ATR: variants seen among roughly 807,000 people sequenced by gnomAD.
ATR encodes the protein ATR checkpoint kinase, also known as serine/threonine-protein kinase ATR.
ATR carries 142 observed loss-of-function variants against 305.3 expected under a neutral mutation model. That is an observed-to-expected ratio of 0.47 (90% CI 0.41 to 0.53). The LOEUF (loss-of-function observed/expected upper bound fraction) is 0.53, where lower values mean the gene tolerates loss of function less well. ATR is among the 20% of genes least tolerant of loss of function. ATR has a pLI of 0.00. For missense variants in ATR, 2,135 were observed against 3,133.1 expected (o/e 0.68, Z 7.60); for synonymous variants, 1,050 against 1,068.1 (o/e 0.98, Z 0.33).
intron 36 of ATR, among the ~76,000 whole-genome samples, chr3:142,476,405 G>A (rs945868265): frequency 1.3e-5 from 2 of 152,062 alleles, no homozygotes; most frequent in African/African-American, 4.8e-5. Flanking sequence ...GATAGTTGTA[G>A]ATGTGTGGCA....
chr3:142,499,849 A>G, intron 30 of ATR, 131 bp from the exon 31 acceptor site: 1 of 761,650 alleles, frequency 1.3e-6, no homozygotes, highest in East Asian at 2.9e-5. Flanking sequence ...GTTCTTAGAT[A>G]TAAAATAATT....
rs559272648 is a variant in ATR, at chr3:142,498,213, C to T, written c.5558+384G>A. Reference sequence around the variant, plus strand: ...TAATATTCTTTCTAGTAATGTGATGCCTATATTTTTGGGGGGAAATATCAA... The same window carrying T: ...TAATATTCTTTCTAGTAATGTGATGTCTATATTTTTGGGGGGAAATATCAA... On this transcript the variant is annotated intron_variant, in intron 32 of 46. Transcript: ENST00000350721. Among the ~76,000 whole-genome samples the T allele has an allele frequency of 5.9e-5, 9 of 152,168 alleles. No individual in the cohort carries two copies. The South Asian group carries it at 1.7e-3, about 28-fold the overall frequency.
At chr3:142,574,016 A>G (rs1270434978) in intron 1 of ATR, among the ~76,000 whole-genome samples, 1 of 152,234 alleles carries the variant, frequency 6.6e-6, no homozygotes, top group Non-Finnish European at 1.5e-5. Context: ...AAAGAGGAAC[A>G]TGGGAAGAGG....
chr3:142,481,089 C>G (rs978161076), intron 36 of ATR, among the ~76,000 whole-genome samples: 1 of 152,150 alleles, frequency 6.6e-6, no homozygotes, highest in Non-Finnish European at 1.5e-5. Context: ...GCTGCACCCA[C>G]TGTCCTGCAC....
At chr3:142,464,827 T>G (rs1472453391) in intron 41 of ATR, among the ~76,000 whole-genome samples, 1 of 152,202 alleles carries the variant, frequency 6.6e-6, no homozygotes, top group African/African-American at 2.4e-5. Flanking sequence ...ATGTACTTAA[T>G]GCCACTGAAC....
intron 24 of ATR, among the ~76,000 whole-genome samples, chr3:142,516,007 G>A (rs1286029492): frequency 3.9e-5 from 6 of 152,040 alleles, no homozygotes; most frequent in African/African-American, 1.4e-4. Context: ...GAATTATCAG[G>A]GCTCCCATGC....
At chr3:142,500,648 C>G (rs1429580417) in intron 30 of ATR, among the ~76,000 whole-genome samples, 1 of 151,982 alleles carries the variant, frequency 6.6e-6, no homozygotes, top group East Asian at 1.9e-4. Context: ...AAAGAAAAGA[C>G]AACAAGTGAT....
Position 142,553,262 on chromosome 3 carries a change from T to C in ATR, c.2770A>G (p.Ser924Gly). 3 of 1,614,102 alleles carry C rather than the reference T, an allele frequency of 1.9e-6. No individual in the cohort carries two copies. The highest frequency in any genetic ancestry group is 2.5e-6 in the Non-Finnish European group (3 of 1,180,004). Reference protein sequence around the residue: ...LVAAKSVKLQSFFSQYKKPIC... With the variant: ...LVAAKSVKLQGFFSQYKKPIC... ...GGTTTCTTATACTGGCTGAAAAAAC[T>C]TTGCAGTTTAACACTTTTAGCTGCA... Residue 924 changes from serine (S) to glycine (G), a missense_variant, in exon 13 of 47, where the codon AGT (serine) becomes GGT (glycine). By Grantham distance (56) the Ser-to-Gly change is moderately conservative. This residue lies in a region of ATR where 530 missense variants were observed against 766.8 expected (regional missense o/e 0.69). Transcript: ENST00000350721.
At position 142,466,361 on chromosome 3, in the gene ATR, G is replaced by C; in HGVS notation, c.6860C>G (p.Pro2287Arg). Residue 2287 changes from proline to arginine, a missense_variant, in exon 40 of 47, where the codon CCT (proline) becomes CGT (arginine). Pro to Arg is a moderately radical substitution (Grantham distance 103). Around this residue, in one of 9 missense-constraint regions of ATR, gnomAD observed 462 missense variants for 887.6 expected, o/e 0.52. Transcript: ENST00000350721. ...HANHASHEPF[P>R]GHWAYIAGFD... is the part of the protein sequence containing the mutation. The stretch of plus-strand genomic sequence containing the variant: ...CCCTGCAATATAGGCCCAATGTCCA[G>C]GAAATGGTTCATGGCTAGCATGGTT... 6.2e-7 allele frequency: 1 copy of C among 1,613,950 alleles called. No individual in the cohort carries two copies. The highest frequency in any genetic ancestry group is 8.5e-7 in the Non-Finnish European group (1 of 1,179,908).
Position 142,556,072 on chromosome 3 carries a change from A to G in ATR, c.2146T>C (p.Cys716Arg). Reference sequence around the variant, plus strand: ...AGATAAAACATGCCGTGAAGAGTACAGACAAGTTGACCAAGTATAGAAGCA... The same window carrying G: ...AGATAAAACATGCCGTGAAGAGTACGGACAAGTTGACCAAGTATAGAAGCA... ...EFASILGQLV[C>R]TLHGMFYLTS... The change falls in exon 10 of 47, where the codon TGT (cysteine) becomes CGT (arginine). Residue 716 changes from cysteine (C) to arginine (R), a missense_variant. Transcript: ENST00000350721. The G allele has an allele frequency of 6.2e-7, 1 of 1,613,976 alleles. No individual in the cohort carries two copies. Among genetic ancestry groups the G allele is most frequent in the Non-Finnish European group, 8.5e-7 (1 of 1,179,886 alleles).
intron 39 of ATR, among the ~76,000 whole-genome samples, chr3:142,466,772 A>C (rs369285933): frequency 2.6e-5 from 4 of 152,322 alleles, no homozygotes; most frequent in East Asian, 1.9e-4. Flanking sequence ...CAAATATTAG[A>C]AAATCCAAAG....
intron 28 of ATR, among the ~76,000 whole-genome samples, chr3:142,507,249 C>T (rs1233885355): frequency 1.3e-5 from 2 of 152,086 alleles, no homozygotes; most frequent in African/African-American, 4.8e-5. Flanking sequence ...CCTGCTCTTA[C>T]TTTCTTTTCT....
intron 26 of ATR, 81 bp downstream of exon 26, chr3:142,513,420 T>G: frequency 1.3e-6 from 2 of 1,510,894 alleles, no homozygotes; most frequent in South Asian, 2.3e-5. Context: ...TTCCTACTAA[T>G]AGGTAGCCTT....
chr3:142,502,445 A>C (rs1481555014), intron 30 of ATR, among the ~76,000 whole-genome samples: 1 of 150,096 alleles, frequency 6.7e-6, no homozygotes, highest in Non-Finnish European at 1.5e-5. Flanking sequence ...AATGGGAACA[A>C]TAGACACTGC....
At chr3:142,470,223 T>C (rs1306922720) in intron 36 of ATR, 40 bp from the exon 37 acceptor site, 1 of 1,448,178 alleles carries the variant, frequency 6.9e-7, no homozygotes. Context: ...AGCATAGCTG[T>C]CATTTTTATA....
intron 24 of ATR, among the ~76,000 whole-genome samples, chr3:142,517,805 A>G (rs1322138783): frequency 6.6e-6 from 1 of 151,734 alleles, no homozygotes; most frequent in African/African-American, 2.4e-5. Context: ...ATGATAGCCA[A>G]CCTCACAAAT....
At chr3:142,517,126 G>C (rs1413867852) in intron 24 of ATR, among the ~76,000 whole-genome samples, 3 of 151,330 alleles carry the variant, frequency 2.0e-5, no homozygotes, top group Non-Finnish European at 4.4e-5. Flanking sequence ...CACGCGTATA[G>C]TTCTCTGGAT....
In ATR at chr3:142,546,783, G is replaced by C. The variant is rs375839834; in HGVS notation, c.3357+942C>G. Among the ~76,000 whole-genome samples, 8 of 152,330 alleles carry C rather than the reference G, an allele frequency of 5.3e-5. No homozygotes were observed. The East Asian group carries it at 7.7e-4, about 15-fold the overall frequency. ...TGAATGATACTGAAAGGTTGAATAA[G>C]ATAGGACAGAGAAGTGACTATGAGA... On this transcript the variant is annotated intron_variant, in intron 16 of 46. Coordinates refer to ENST00000350721, the MANE Select transcript of ATR (RefSeq NM_001184.4).
intron 36 of ATR, among the ~76,000 whole-genome samples, chr3:142,479,906 C>T (rs989150360): frequency 1.4e-4 from 21 of 152,226 alleles, no homozygotes; most frequent in Non-Finnish European, 2.5e-4. Flanking sequence ...GCATTCGTCA[C>T]GTAGTTCCTG....
Sources: allele counts gnomAD v4.1 joint callset (sites outside exome capture counted in the v4.1 genomes callset), GRCh38; gene constraint gnomAD v4.1.1; regional missense constraint gnomAD v4.1.1; transcripts MANE v1.5; gene names NCBI Gene and HGNC (gene_info 2026-07-23, HGNC 2026-07-21).